Variants in SPART observed in about 807,000 individuals in gnomAD.
SPART encodes the protein spastic paraplegia 20 (Troyer syndrome).
Under a neutral mutation model 58.7 loss-of-function variants are expected in SPART, and 35 were observed. The ratio of observed to expected loss-of-function variants is 0.60; its 90% CI spans 0.46 to 0.79. The LOEUF is 0.79. SPART is among the 30% of genes least tolerant of loss of function. The pLI, the probability that SPART is intolerant of heterozygous loss-of-function variation, is 0.00. For missense variants in SPART, 730 were observed against 786.1 expected, an observed-to-expected ratio of 0.93 and a Z score of 0.85; for synonymous variants, 284 against 280.7, an observed-to-expected ratio of 1.01 and a Z score of -0.12.
At chr13:36,318,605 C>T (rs575971541) in intron 5 of SPART, among the ~76,000 whole-genome samples, 13 of 152,310 alleles carry the variant, frequency 8.5e-5, no homozygotes, top group African/African-American at 3.1e-4. Flanking sequence ...AATTCCTTGC[C>T]TCCACTGTGA....
rs1362976252 is a variant in SPART, at chr13:36,321,605, G to A, written c.1288+4970C>T. 5.3e-5 allele frequency among the ~76,000 whole-genome samples: 8 copies of A among 151,298 alleles called. No homozygotes were observed. In the South Asian group the frequency reaches 6.3e-4, roughly 12 times the overall value. On this transcript the variant is annotated intron_variant, in intron 5 of 8. Transcript: ENST00000438666. ...CTCTCCCACTCTAGGTTCCCACGCC[G>A]CCCCTAATCCCGCTTGAAGCAGCCC...
chr13:36,314,128 T>G, intron 6 of SPART, 99 bp downstream of exon 6: 551 of 1,212,000 alleles, frequency 4.5e-4, no homozygotes, highest in Non-Finnish European at 5.9e-4. Flanking sequence ...TCTTTATTCT[T>G]GAGATTAAAC....
intron 8 of SPART, among the ~76,000 whole-genome samples, chr13:36,307,980 G>A (rs779792457): frequency 2.0e-5 from 3 of 151,994 alleles, no homozygotes; most frequent in Admixed American, 2.0e-4. Context: ...GAGAGCAATC[G>A]CTTATCACAG....
chr13:36,328,388 T>G (rs1180195569), intron 4 of SPART, among the ~76,000 whole-genome samples: 1 of 152,212 alleles, frequency 6.6e-6, no homozygotes, highest in African/African-American at 2.4e-5. Flanking sequence ...CACTTCTGCC[T>G]AGAATCCCCT....
At chr13:36,317,655 GT>G (rs1414495814) in intron 5 of SPART, among the ~76,000 whole-genome samples, 1 of 151,018 alleles carries the variant, frequency 6.6e-6, no homozygotes, top group Non-Finnish European at 1.5e-5. Flanking sequence ...CCTTCCCTCC[GT>G]TTCTCTGCTC....
intron 8 of SPART, among the ~76,000 whole-genome samples, chr13:36,310,641 C>G (rs191146656): frequency 6.6e-6 from 1 of 152,296 alleles, no homozygotes; most frequent in East Asian, 1.9e-4. Context: ...TGACTCAAAA[C>G]CCAACACACC....
intron 1 of SPART, among the ~76,000 whole-genome samples, chr13:36,362,492 T>C (rs1336006726): frequency 6.6e-6 from 1 of 152,192 alleles, no homozygotes; most frequent in Non-Finnish European, 1.5e-5. Context: ...GTTAAGCAAC[T>C]TGTCCAGTAG....
intron 6 of SPART, chr13:36,313,861 C>A: frequency 3.6e-6 from 1 of 280,772 alleles, no homozygotes; most frequent in South Asian, 4.0e-5. Context: ...CAATACATGA[C>A]TTTACATTCA....
intron 1 of SPART, chr13:36,345,393 T>C (rs1268688740): frequency 6.6e-6 from 1 of 152,190 alleles, no homozygotes; most frequent in Non-Finnish European, 1.5e-5. Flanking sequence ...GGTGCAGTCT[T>C]CTATTACTTT....
At chr13:36,348,353 A>G (rs931536782), upstream of SPART, among the ~76,000 whole-genome samples, 3 of 152,238 alleles carry the variant, frequency 2.0e-5, no homozygotes, top group Non-Finnish European at 4.4e-5. Flanking sequence ...TTACATTTAA[A>G]AAGTACATAC....
At chr13:36,312,627 G>C (rs1881252854) in intron 6 of SPART, 150 bp from the exon 7 acceptor site, 3 of 898,656 alleles carry the variant, frequency 3.3e-6, no homozygotes, top group Admixed American at 4.6e-5. Flanking sequence ...GCTTAGAGAG[G>C]AGGTCTCACT....
chr13:36,319,489 C>T (rs1882131611), intron 5 of SPART, among the ~76,000 whole-genome samples: 1 of 152,024 alleles, frequency 6.6e-6, no homozygotes, highest in Admixed American at 6.6e-5. Flanking sequence ...TCGCCTGCTA[C>T]AGCATGGCCT....
At chr13:36,327,543 A>G (rs907457722) in intron 4 of SPART, among the ~76,000 whole-genome samples, 2 of 152,244 alleles carry the variant, frequency 1.3e-5, no homozygotes, top group African/African-American at 4.8e-5. Flanking sequence ...ATGATATGGA[A>G]GAATTTCCAA....
At chr13:36,360,740 G>T (rs1036524187) in intron 1 of SPART, 4 of 152,778 alleles carry the variant, frequency 2.6e-5, no homozygotes, top group African/African-American at 9.7e-5. Flanking sequence ...GCCTAAATAT[G>T]GTAAGAATTC....
intron 4 of SPART, 31 bp from the exon 5 acceptor site, chr13:36,326,729 G>A (rs1882974290): frequency 6.2e-7 from 1 of 1,610,152 alleles, no homozygotes; most frequent in African/African-American, 1.3e-5. Context: ...AAAATGTGAA[G>A]AGTTAGTACT....
rs1938623107 is a variant in SPART, at chr13:36,301,828, G to GT, written c.*2536dup. 1 of 152,174 alleles carries GT rather than the reference G, an allele frequency of 6.6e-6. No individual in the cohort carries two copies. Among genetic ancestry groups the GT allele is most frequent in the African/African-American group, 2.4e-5 (1 of 41,444 alleles). 9.4% of individuals were successfully genotyped at this position (152,174 alleles called of 1,614,324 possible). Reference sequence around the variant, plus strand: ...TGTGTACCAGGGGACAGTCAAGGATGTTTTGAGTGTACTGTTTCTACCAAC... The same window carrying GT: ...TGTGTACCAGGGGACAGTCAAGGATGTTTTTGAGTGTACTGTTTCTACCAAC... On this transcript the variant is annotated 3_prime_UTR_variant, in exon 9 of 9. Coordinates refer to ENST00000438666, the MANE Select transcript of SPART (RefSeq NM_015087.5).
At chr13:36,310,242 AAAT>A (rs1213432878) in intron 8 of SPART, among the ~76,000 whole-genome samples, 1 of 152,220 alleles carries the variant, frequency 6.6e-6, no homozygotes, top group East Asian at 1.9e-4. Context: ...TAATTAACAT[AAAT>A]AACCACGAGT....
intron 3 of SPART, among the ~76,000 whole-genome samples, chr13:36,329,755 G>GTAAAAGACAACTTA (rs373641665): frequency 7.9e-5 from 12 of 152,290 alleles, no homozygotes; most frequent in Admixed American, 6.5e-5. Flanking sequence ...AAGACAACGT[G>GTAAAAGACAACTTA]TAAAAGACAA....
chr13:36,331,306 GATTACAGTAGAGGTT>G, intron 3 of SPART, 78 bp downstream of exon 3: 1 of 1,067,172 alleles, frequency 9.4e-7, no homozygotes, highest in Non-Finnish European at 1.5e-6. Flanking sequence ...TCCTAACCTT[GATTACAGTAGAGGTT>G]ATTACAATTT....
Sources: allele counts gnomAD v4.1 joint callset (sites outside exome capture counted in the v4.1 genomes callset), GRCh38; gene constraint gnomAD v4.1.1; transcripts MANE v1.5; gene names NCBI Gene and HGNC (gene_info 2026-07-23, HGNC 2026-07-21).